A1BG: variants seen among roughly 807,000 people sequenced by gnomAD.
The protein encoded by A1BG is alpha-1B-glycoprotein.
In A1BG, 44 loss-of-function variants were observed where a neutral mutation model predicts 46.0. The ratio of observed to expected loss-of-function variants is 0.96; its 90% CI spans 0.75 to 1.23. The LOEUF is 1.23. Ranked by LOEUF, A1BG falls within the 50% of genes most tolerant of loss-of-function variation. A1BG has a pLI of 0.00. For synonymous variants in A1BG, 316 were observed against 314.7 expected (o/e 1.00, Z -0.04); for missense variants, 707 against 688.8 (o/e 1.03, Z -0.30).
At chr19:58,349,224 G>T (rs1289152401) in intron 6 of A1BG, 1 of 151,992 alleles carries the variant, frequency 6.6e-6, no homozygotes, top group Non-Finnish European at 1.5e-5. Context: ...CTCCATGTTG[G>T]CCAGGCTGCT....
chr19:58,347,156 A>T, intron 7 of A1BG, 127 bp from the exon 8 acceptor site: 1 of 1,363,880 alleles, frequency 7.3e-7, no homozygotes, highest in African/African-American at 1.5e-5. Flanking sequence ...GCCAGCCGAG[A>T]CCCCCATCTG....
chr19:58,347,644 G>A lies in A1BG; in HGVS notation c.1193-4C>T, dbSNP rs1356015947. On this transcript the variant is annotated splice_polypyrimidine_tract_variant and splice_region_variant and intron_variant, in intron 6 of 7. Coordinates refer to ENST00000263100, the MANE Select transcript of A1BG (RefSeq NM_130786.4). ...AGCTGAGGCCTGGGAGGGGGTCCTGGGCGGAGCGGGCGGGTGGTCGGGCCA... is the reference window on the plus strand; with the variant it reads ...AGCTGAGGCCTGGGAGGGGGTCCTGAGCGGAGCGGGCGGGTGGTCGGGCCA... 7.2e-7 allele frequency: 1 copy of A among 1,395,436 alleles called. No homozygotes were observed. The highest frequency in any genetic ancestry group is 3.3e-5 in the Admixed American group (1 of 30,714). 86.4% of individuals were successfully genotyped at this position (1,395,436 alleles called of 1,614,324 possible). A position where few individuals can be genotyped will look rare whatever the true frequency, so the allele number is the denominator to read the frequency against.
Position 58,352,985 on chromosome 19 carries a change from A to G in A1BG, c.283T>C (p.Ser95Pro), listed in dbSNP as rs373400016. The part of the protein sequence containing the change: ...GDTQGRYRCR[S>P]GLSTGWTQLS... ...TGGGTCCATCCTGTGGACAAGCCCG[A>G]GCGGCAGCGGTAGCGGCCCTGGGTG... Residue 95 changes from serine (S) to proline (P), a missense_variant, in exon 3 of 8, where the codon TCG (serine) becomes CCG (proline). Coordinates refer to ENST00000263100, the MANE Select transcript of A1BG (RefSeq NM_130786.4). 1.2e-6 allele frequency: 2 copies of G among 1,613,838 alleles called. No individual in the cohort carries two copies. Among genetic ancestry groups the G allele is most frequent in the Non-Finnish European group, 1.7e-6 (2 of 1,180,022 alleles).
At position 58,352,438 on chromosome 19, in the gene A1BG, T is replaced by C. The variant is rs759325835; in HGVS notation, c.458A>G (p.Glu153Gly). The change falls in exon 4 of 8, where the codon GAG becomes GGG. Residue 153 changes from glutamate (E) to glycine (G), a missense_variant. Physicochemically the swap from Glu to Gly is moderately conservative, Grantham distance 98. Coordinates refer to ENST00000263100, the MANE Select transcript of A1BG (RefSeq NM_130786.4). ...CACCTCCAGAAACTCATGGTCGCCC[T>C]CCCGCCTCAGCAGAAAAGTCACACC... is the stretch of plus-strand genomic sequence containing the variant. ...LRGVTFLLRR[E>G]GDHEFLEVPE... The C allele has an allele frequency of 6.2e-7, 1 of 1,613,496 alleles. No homozygotes were observed. Among genetic ancestry groups the C allele is most frequent in the Non-Finnish European group, 8.5e-7 (1 of 1,179,952 alleles).
chr19:58,346,840 G>T lies in A1BG; in HGVS notation c.*182C>A. 1.3e-6 allele frequency: 1 copy of T among 752,898 alleles called. No individual in the cohort carries two copies. The highest frequency in any genetic ancestry group is 1.5e-5 in the South Asian group (1 of 67,664). The allele number at this position is 752,898 out of a possible 1,614,324, so 46.6% of individuals were successfully genotyped here. On this transcript the variant is annotated 3_prime_UTR_variant, in exon 8 of 8. Coordinates refer to ENST00000263100, the MANE Select transcript of A1BG (RefSeq NM_130786.4). ...CGAGATCCCAGCCCACTCAGCCCTG[G>T]GAGTCCAAAGACATTTTAAACAGAG...
At chr19:58,348,588 C>T (rs927523577) in intron 6 of A1BG, 1 of 152,180 alleles carries the variant, frequency 6.6e-6, no homozygotes, top group Admixed American at 6.5e-5. Context: ...TATTCCCTAT[C>T]CATTTTGAAA....
rs1434492327 is a variant in A1BG at position 58,346,977 on chromosome 19, C to T, written c.*45G>A. 6.2e-7 allele frequency: 1 copy of T among 1,612,848 alleles called. No homozygotes were observed. Among genetic ancestry groups the T allele is most frequent in the Non-Finnish European group, 8.5e-7 (1 of 1,178,870 alleles). The stretch of plus-strand genomic sequence containing the variant: ...GGGGAGGGAGCCAGTCCAGAATCCC[C>T]GGCACTTCTGAGGACACCAACAGCA... On this transcript the variant is annotated 3_prime_UTR_variant, in exon 8 of 8. Coordinates refer to ENST00000263100, the MANE Select transcript of A1BG (RefSeq NM_130786.4).
intron 3 of A1BG, 135 bp downstream of exon 3, chr19:58,352,793 G>A (rs1196063703): frequency 5.2e-6 from 7 of 1,336,684 alleles, no homozygotes; most frequent in Admixed American, 4.3e-5. Flanking sequence ...TTACAACACA[G>A]ACATCATCCC....
intron 4 of A1BG, chr19:58,352,022 T>C: frequency 1.6e-6 from 2 of 1,237,376 alleles, no homozygotes; most frequent in Non-Finnish European, 2.2e-6. Flanking sequence ...TCTCGATCTC[T>C]TGACCTCATG....
chr19:58,351,362 C>T (rs768035808), intron 5 of A1BG, 29 bp downstream of exon 5: 10 of 1,600,290 alleles, frequency 6.2e-6, no homozygotes, highest in East Asian at 4.5e-5. Context: ...GACCCAGCCG[C>T]GTCCCTGTCC....
In A1BG at chr19:58,353,019, C is replaced by T. The variant is rs778371185; in HGVS notation, c.249G>A (p.Leu83=). ...GGTAGCGGCCCTGGGTGTCACCCGT[C>T]AGCAGGAACTGGTGCTTGATGGCAG... ...DSPAIKHQFL[L]TGDTQGRYRC... is the part of the protein sequence containing the mutation. The change falls in exon 3 of 8, where the codon CTG becomes CTA. Residue 83 remains leucine, a synonymous_variant. Transcript: ENST00000263100. 14 of 1,613,988 alleles carry T rather than the reference C, an allele frequency of 8.7e-6. No homozygotes were observed. The South Asian group carries it at 8.8e-5, about 10-fold the overall frequency.
intron 4 of A1BG, 108 bp from the exon 5 acceptor site, chr19:58,351,795 C>CA: frequency 2.6e-6 from 2 of 760,742 alleles, no homozygotes; most frequent in Non-Finnish European, 3.9e-6. Context: ...CCCTTCCATT[C>CA]TTTTTTTTTT....
intron 6 of A1BG, chr19:58,349,446 G>T (rs12980208): frequency 0.9 from 135,592 of 150,084 alleles, 61,541 homozygotes; most frequent in Non-Finnish European, 0.95. Flanking sequence ...AGGTCAGGAG[G>T]TCAAGACCAG....
chr19:58,351,498 GC>G lies in A1BG; in HGVS notation c.802del (p.Ala268ArgfsTer32), dbSNP rs765941252. On this transcript the variant is annotated frameshift_variant, in exon 5 of 8. Coordinates refer to ENST00000263100, the MANE Select transcript of A1BG (RefSeq NM_130786.4). LOFTEE classifies it high-confidence loss of function. ...SPDRIFFHLN[A>X]VALGDGGHYT... ...GTGACCTCCATCCCCCAGGGCCACC[GC>G]GTTCAGGTGAAAGAAGATGCGATCT... 1 of 1,613,746 alleles carries G rather than the reference GC, an allele frequency of 6.2e-7. No individual in the cohort carries two copies. The highest frequency in any genetic ancestry group is 1.1e-5 in the South Asian group (1 of 91,080).
Position 58,347,636 on chromosome 19 carries a change from G to T in A1BG, c.1197C>A (p.Pro399=), listed in dbSNP as rs1390951981. ...TCGCCCGGAGCTGAGGCCTGGGAGGGGGTCCTGGGCGGAGCGGGCGGGTGG... is the reference window on the plus strand; with the variant it reads ...TCGCCCGGAGCTGAGGCCTGGGAGGTGGTCCTGGGCGGAGCGGGCGGGTGG... ...SERLELHVDG[P]PPRPQLRATW... Residue 399 remains proline, a synonymous_variant, in exon 7 of 8, where the codon CCC becomes CCA. Transcript: ENST00000263100. 1.4e-6 allele frequency: 2 copies of T among 1,439,328 alleles called. No homozygotes were observed. Among genetic ancestry groups the T allele is most frequent in the Admixed American group, 2.7e-5 (1 of 37,218 alleles). The allele number at this position is 1,439,328 out of a possible 1,614,324, so 89.2% of individuals were successfully genotyped here.
intron 6 of A1BG, chr19:58,348,398 A>G (rs1391279936): frequency 6.6e-6 from 1 of 152,222 alleles, no homozygotes; most frequent in Non-Finnish European, 1.5e-5. Context: ...AATGTTACAA[A>G]ATCCTGGAAG....
chr19:58,346,867 C>T lies in A1BG; in HGVS notation c.*155G>A. 1 of 690,010 alleles carries T rather than the reference C, an allele frequency of 1.4e-6. No homozygotes were observed. Among genetic ancestry groups the T allele is most frequent in the Admixed American group, 2.5e-5 (1 of 40,196 alleles). 42.7% of individuals were successfully genotyped at this position (690,010 alleles called of 1,614,324 possible). ...AGTCCAAAGACATTTTAAACAGAGC[C>T]TCTCTTCACATTTATTAATTCCTGG... On this transcript the variant is annotated 3_prime_UTR_variant, in exon 8 of 8. Transcript: ENST00000263100.
Position 58,352,491 on chromosome 19 carries a change from T to G in A1BG, c.405A>C (p.Thr135=). The change falls in exon 4 of 8, where the codon ACA becomes ACC. Residue 135 remains threonine (T), a synonymous_variant. Coordinates refer to ENST00000263100, the MANE Select transcript of A1BG (RefSeq NM_130786.4). ...GCAGCACACCTCGGCACACTGCTGT[T>G]GTTTTCAGGCCGGGGGTGATCCAGG... ...PVSWITPGLK[T]TAVCRGVLRG... is the part of the protein sequence containing the mutation. The G allele has an allele frequency of 6.2e-7, 1 of 1,613,084 alleles. No individual in the cohort carries two copies. The highest frequency in any genetic ancestry group is 2.2e-5 in the East Asian group (1 of 44,856).
chr19:58,352,307 C>T lies in A1BG; in HGVS notation c.589G>A (p.Ala197Thr), dbSNP rs144826779. ...DGEGALSEPS[A>T]TVTIEELAAP... ...CCGAGCTCCTCAATGGTCACAGTAG[C>T]GCTGGGCTCAGAGAGGGCGCCTTCC... is the stretch of plus-strand genomic sequence containing the variant. Residue 197 changes from alanine (A) to threonine (T), a missense_variant, in exon 4 of 8, where the codon GCT (alanine) becomes ACT (threonine). Physicochemically the swap from Ala to Thr is moderately conservative, Grantham distance 58. Transcript: ENST00000263100. 208 of 1,613,742 alleles carry T rather than the reference C, an allele frequency of 1.3e-4. No homozygotes were observed. Among genetic ancestry groups the T allele is most frequent in the Middle Eastern group, 6.6e-4 (4 of 6,040 alleles).
Sources: allele counts gnomAD v4.1 joint callset, GRCh38; gene constraint gnomAD v4.1.1; transcripts MANE v1.5; gene names NCBI Gene and HGNC (gene_info 2026-07-23, HGNC 2026-07-21).